The following CDKN2B-AS1 variants were observed in gnomAD, a reference collection of about 807,000 sequenced individuals.
The protein encoded by CDKN2B-AS1 is CDKN2B antisense RNA 1 (non-protein coding).
chr9:22,103,814 A>G lies in CDKN2B-AS1; in HGVS notation n.439-23289A>G, dbSNP rs1333042. On this transcript the variant is annotated intron_variant and non_coding_transcript_variant, in intron 4 of 4. Transcript: ENST00000650946. Reference sequence around the variant, plus strand: ...GCAAGGGGACATACCAAACACTAACAGGCACATTGGGGTTTTCTGGCTATT... The same window carrying G: ...GCAAGGGGACATACCAAACACTAACGGGCACATTGGGGTTTTCTGGCTATT... Among the ~76,000 whole-genome samples the G allele has an allele frequency of 0.63, 95,337 of 151,988 alleles. 32,190 individuals are homozygous for G. The highest frequency in any genetic ancestry group is 0.89 in the African/African-American group (37,041 of 41,478).
At chr9:22,092,237 A>C (rs1279604643) in intron 4 of CDKN2B-AS1, 1 of 152,192 alleles carries the variant, frequency 6.6e-6, no homozygotes, top group East Asian at 1.9e-4. Context: ...TATTTTATTG[A>C]AGATTTTTGC....
intron 3 of CDKN2B-AS1, among the ~76,000 whole-genome samples, chr9:22,053,433 C>T (rs984336787): frequency 1.3e-5 from 2 of 152,182 alleles, no homozygotes; most frequent in Non-Finnish European, 2.9e-5. Flanking sequence ...TTGCCATAGG[C>T]CCAGGCTGTT....
chr9:22,038,400 C>T (rs1375589486), intron 1 of CDKN2B-AS1, among the ~76,000 whole-genome samples: 1 of 151,808 alleles, frequency 6.6e-6, no homozygotes, highest in African/African-American at 2.4e-5. Flanking sequence ...AACTATTTTG[C>T]CAGCGCAGAT....
At chr9:22,025,241 C>G (rs7035484) in intron 1 of CDKN2B-AS1, among the ~76,000 whole-genome samples, 85,784 of 151,998 alleles carry the variant, frequency 0.56, 25,267 homozygotes, top group African/African-American at 0.7. Context: ...GCCAGGGGCT[C>G]TCTGTCTGGT....
intron 4 of CDKN2B-AS1, chr9:22,065,797 G>A (rs1007027594): frequency 1.3e-5 from 2 of 152,204 alleles, no homozygotes; most frequent in African/African-American, 4.8e-5. Flanking sequence ...TTTAGAAAAT[G>A]TGAGTCAGTC....
chr9:22,047,478 G>T (rs1452359865), intron 2 of CDKN2B-AS1, among the ~76,000 whole-genome samples: 2 of 152,154 alleles, frequency 1.3e-5, no homozygotes, highest in African/African-American at 4.8e-5. Flanking sequence ...CTAATGAGCT[G>T]AAGAACTTAG....
intron 4 of CDKN2B-AS1, among the ~76,000 whole-genome samples, chr9:22,092,699 T>G (rs1825135003): frequency 6.6e-6 from 1 of 152,214 alleles, no homozygotes; most frequent in Non-Finnish European, 1.5e-5. Context: ...TGTGTCTATT[T>G]GATTCTTCTC....
intron 4 of CDKN2B-AS1, among the ~76,000 whole-genome samples, chr9:22,086,318 G>C (rs924535409): frequency 1.3e-5 from 2 of 152,040 alleles, no homozygotes; most frequent in Non-Finnish European, 2.9e-5. Flanking sequence ...ATAAAGCCAA[G>C]AATTATGCTT....
intron 1 of CDKN2B-AS1, among the ~76,000 whole-genome samples, chr9:22,044,563 G>A (rs1823029447): frequency 2.6e-5 from 4 of 151,864 alleles, no homozygotes; most frequent in Admixed American, 1.3e-4. Flanking sequence ...ATATTCTTTG[G>A]TGTGAAGTTC....
rs375456255 is a variant in CDKN2B-AS1 at position 22,068,541 on chromosome 9, TA to T, written n.438+12158del. Among the ~76,000 whole-genome samples the T allele has an allele frequency of 1.7e-3, 264 of 152,220 alleles. 1 individual carries two copies. Among genetic ancestry groups the T allele is most frequent in the African/African-American group, 6.1e-3 (252 of 41,556 alleles). On this transcript the variant is annotated intron_variant and non_coding_transcript_variant, in intron 4 of 4. Coordinates refer to ENST00000650946, the Ensembl canonical transcript of CDKN2B-AS1. ...GAGAGCGTGGTTTACAGAAGGAATC[TA>T]AAAGGTGTAGTTTCTGTAGCAGAAG...
At chr9:22,113,867 C>T (rs1382885083) in intron 4 of CDKN2B-AS1, 2 of 152,132 alleles carry the variant, frequency 1.3e-5, no homozygotes, top group African/African-American at 4.8e-5. Context: ...TACAAATAGT[C>T]AACTTTCTAT....
chr9:22,036,489 T>G (rs1011837325), intron 1 of CDKN2B-AS1, among the ~76,000 whole-genome samples: 2 of 152,174 alleles, frequency 1.3e-5, no homozygotes, highest in African/African-American at 4.8e-5. Flanking sequence ...GTCTACAGCC[T>G]AAATTGTTTC....
At chr9:22,107,465 T>G (rs1255331082) in intron 4 of CDKN2B-AS1, among the ~76,000 whole-genome samples, 4 of 152,206 alleles carry the variant, frequency 2.6e-5, no homozygotes, top group Non-Finnish European at 4.4e-5. Flanking sequence ...CTGGAAACTT[T>G]CCCCACTTGA....
In CDKN2B-AS1 at chr9:22,006,186, T is replaced by C. The variant is rs757266462; in HGVS notation, n.29+11025T>C. On this transcript the variant is annotated intron_variant and non_coding_transcript_variant, in intron 1 of 4. Transcript: ENST00000650946. This position sits in a 1 kb window ranked among gnomAD's most constrained non-coding sequence, Gnocchi z 6.4. ...GGTGAGAGTGGCAGGGTCTGCGCAG[T>C]TGGGCTCCGCGCCGTGGAGCAGCAG... is the stretch of plus-strand genomic sequence containing the variant. 7.5e-6 allele frequency: 12 copies of C among 1,609,466 alleles called. No individual in the cohort carries two copies. The highest frequency in any genetic ancestry group is 3.3e-5 in the Admixed American group (2 of 59,988).
chr9:22,009,154 G>C (rs1821359474), intron 1 of CDKN2B-AS1: 2 of 690,046 alleles, frequency 2.9e-6, no homozygotes, highest in Non-Finnish European at 4.9e-6. Context: ...TTAGCTCCGG[G>C]CTTTTCCTGG....
intron 1 of CDKN2B-AS1, among the ~76,000 whole-genome samples, chr9:22,019,004 A>G (rs1352064860): frequency 6.6e-6 from 1 of 152,180 alleles, no homozygotes; most frequent in African/African-American, 2.4e-5. Flanking sequence ...TAACTAATCA[A>G]AAGAGAGGCA....
chr9:22,074,730 T>A (rs1331504407), intron 4 of CDKN2B-AS1, among the ~76,000 whole-genome samples: 1 of 152,186 alleles, frequency 6.6e-6, no homozygotes, highest in Non-Finnish European at 1.5e-5. Flanking sequence ...CTACCTCTCC[T>A]GGGCACTGAT....
chr9:22,036,929 T>C (rs1396576702), intron 1 of CDKN2B-AS1, among the ~76,000 whole-genome samples: 1 of 152,084 alleles, frequency 6.6e-6, no homozygotes, highest in Non-Finnish European at 1.5e-5. Context: ...AGATGTAGAA[T>C]GGGATTGAAA....
intron 4 of CDKN2B-AS1, among the ~76,000 whole-genome samples, chr9:22,123,427 T>A: frequency 6.6e-6 from 1 of 152,156 alleles, no homozygotes; most frequent in Admixed American, 6.5e-5. Context: ...TTGTCTTGTT[T>A]CAGTTCTTAG....
Sources: gnomAD v4.1 joint callset for allele counts (sites outside exome capture counted in the v4.1 genomes callset) on GRCh38, gnomAD v4.1.1 for gene constraint, Gnocchi (gnomAD v3.1) non-coding constraint, MANE v1.5 for transcripts, NCBI Gene and HGNC (gene_info 2026-07-23, HGNC 2026-07-21) for gene names.